MYT1L: variants seen among roughly 807,000 people sequenced by gnomAD.
MYT1L encodes myelin transcription factor 1-like protein.
A neutral mutation model predicts 126.7 loss-of-function variants in MYT1L; 12 were observed. The observed-to-expected ratio is 0.09, with a 90% CI of 0.06 to 0.15. The LOEUF (loss-of-function observed/expected upper bound fraction) is 0.15, where lower values mean the gene tolerates loss of function less well. Ranked by LOEUF, MYT1L falls within the 10% of genes least tolerant of loss-of-function variation. The pLI is 1.00. For missense variants in MYT1L, 979 were observed against 1,585.2 expected (o/e 0.62, Z 6.49); for synonymous variants, 541 against 604.2 (o/e 0.90, Z 1.53).
At chr2:1,987,206 G>A (rs559225003) in intron 5 of MYT1L, among the ~76,000 whole-genome samples, 1 of 152,216 alleles carries the variant, frequency 6.6e-6, no homozygotes, top group South Asian at 2.1e-4. Flanking sequence ...ATGGCCAGGG[G>A]CTCATACCCA....
chr2:2,031,835 C>A (rs1376044008), intron 4 of MYT1L, among the ~76,000 whole-genome samples: 3 of 136,538 alleles, frequency 2.2e-5, no homozygotes, highest in Non-Finnish European at 4.7e-5. Flanking sequence ...GGGCCTTACA[C>A]ACACCCCTCG....
rs114601241 is a variant in MYT1L, at chr2:1,818,721, C to T, written c.3081-9554G>A. ...AAGGGCAGGAGGGTGTTCTTGGAGC[C>T]ACGTGACATTTCTGCCTCTGACTGT... On this transcript the variant is annotated intron_variant, in intron 21 of 24. Transcript: ENST00000647738. Among the ~76,000 whole-genome samples the T allele has an allele frequency of 8.3e-3, 1,269 of 152,270 alleles. 16 individuals are homozygous for T. The highest frequency in any genetic ancestry group is 0.029 in the African/African-American group (1,209 of 41,544).
intron 4 of MYT1L, among the ~76,000 whole-genome samples, chr2:2,003,237 A>G (rs1014344282): frequency 6.6e-6 from 1 of 152,104 alleles, no homozygotes; most frequent in African/African-American, 2.4e-5. Flanking sequence ...CTCTCAACAC[A>G]GCCTCACACT....
chr2:2,109,187 C>T (rs1169302052), intron 3 of MYT1L, among the ~76,000 whole-genome samples: 2 of 152,190 alleles, frequency 1.3e-5, no homozygotes, highest in South Asian at 2.1e-4. Flanking sequence ...GATTTTTCCT[C>T]AATACCTGTG....
chr2:1,933,967 TGA>T (rs377097861), intron 9 of MYT1L, among the ~76,000 whole-genome samples: 1 of 150,286 alleles, frequency 6.7e-6, no homozygotes, highest in African/African-American at 2.5e-5. Context: ...GCTCTAATTT[TGA>T]TTTTTTTTTT....
chr2:2,240,791 G>A (rs1427186353), intron 2 of MYT1L, among the ~76,000 whole-genome samples: 3 of 152,284 alleles, frequency 2.0e-5, no homozygotes, highest in South Asian at 2.1e-4. Flanking sequence ...GCGTGCCAGC[G>A]GCCTTAGTTA....
chr2:2,104,496 G>A (rs1046226904), intron 3 of MYT1L, among the ~76,000 whole-genome samples: 6 of 152,260 alleles, frequency 3.9e-5, no homozygotes, highest in Non-Finnish European at 5.9e-5. Flanking sequence ...AGCACTGCAT[G>A]CTTTTCAGGC....
At chr2:2,099,533 C>T (rs2077814175) in intron 3 of MYT1L, among the ~76,000 whole-genome samples, 1 of 152,154 alleles carries the variant, frequency 6.6e-6, no homozygotes, top group Non-Finnish European at 1.5e-5. Context: ...GGGTCCTTCT[C>T]TAAGAAATGT....
Position 1,838,396 on chromosome 2 carries a change from G to A in MYT1L, c.3080+753C>T, listed in dbSNP as rs183388576. On this transcript the variant is annotated intron_variant, in intron 21 of 24. Coordinates refer to ENST00000647738, the MANE Select transcript of MYT1L (RefSeq NM_001303052.2). ...TCTGTGTTTGAGATGGATTTGAGGC[G>A]CAGGTGTGATTTTCGTAGAAAGTGG... 2.4e-3 allele frequency among the ~76,000 whole-genome samples: 358 copies of A among 152,252 alleles called. 3 individuals carry two copies. The highest frequency in any genetic ancestry group is 8.1e-3 in the African/African-American group (337 of 41,534).
chr2:1,930,074 C>T (rs62116697), intron 9 of MYT1L, among the ~76,000 whole-genome samples: 4,144 of 152,300 alleles, frequency 0.027, 80 homozygotes, highest in Non-Finnish European at 0.043. Flanking sequence ...CAAGGAGGCC[C>T]GCCCGAAGGC....
At chr2:2,007,995 T>C (rs2063487078) in intron 4 of MYT1L, among the ~76,000 whole-genome samples, 1 of 152,216 alleles carries the variant, frequency 6.6e-6, no homozygotes, top group South Asian at 2.1e-4. Flanking sequence ...CCGGAGGTCC[T>C]GCAGAGAGCA....
intron 18 of MYT1L, among the ~76,000 whole-genome samples, chr2:1,879,053 G>A (rs2047243920): frequency 6.6e-6 from 1 of 152,192 alleles, no homozygotes; most frequent in African/African-American, 2.4e-5. Flanking sequence ...CAGATCACAT[G>A]TAAGAGAGAG....
intron 23 of MYT1L, among the ~76,000 whole-genome samples, chr2:1,797,931 T>A (rs1417925314): frequency 3.2e-4 from 6 of 18,638 alleles, no homozygotes; most frequent in Non-Finnish European, 3.1e-4. Flanking sequence ...GGTCTCCCCC[T>A]TCTCCGGCAC....
intron 3 of MYT1L, among the ~76,000 whole-genome samples, chr2:2,080,263 A>T (rs528303917): frequency 3.7e-4 from 57 of 152,316 alleles, no homozygotes; most frequent in Admixed American, 1.7e-3. Context: ...GGGTTAGGTG[A>T]CGGCATCTTA....
chr2:2,003,774 T>C (rs756912571), intron 4 of MYT1L, among the ~76,000 whole-genome samples: 11 of 152,110 alleles, frequency 7.2e-5, no homozygotes, highest in Non-Finnish European at 1.3e-4. Context: ...CCACTTTCCC[T>C]GACTAAGTCT....
intron 14 of MYT1L, among the ~76,000 whole-genome samples, chr2:1,899,012 G>C (rs1016260420): frequency 1.3e-5 from 2 of 152,252 alleles, no homozygotes. Flanking sequence ...GAGCGCTGGA[G>C]AATTTGGAAG....
chr2:2,203,973 T>C (rs2093198916), intron 2 of MYT1L, among the ~76,000 whole-genome samples: 1 of 152,178 alleles, frequency 6.6e-6, no homozygotes, highest in Non-Finnish European at 1.5e-5. Context: ...TACAACTATC[T>C]GATCTTTGAC....
intron 4 of MYT1L, among the ~76,000 whole-genome samples, chr2:2,006,104 G>C (rs1489230078): frequency 6.6e-6 from 1 of 151,780 alleles, no homozygotes; most frequent in Admixed American, 6.6e-5. Flanking sequence ...TCCTGCATGA[G>C]TTCTTTCCTC....
rs1028147679 is a variant in MYT1L at position 2,115,983 on chromosome 2, G to A, written c.-304+56889C>T. Among the ~76,000 whole-genome samples, 102 of 151,038 alleles carry A rather than the reference G, an allele frequency of 6.8e-4. 1 individual carries two copies. The highest frequency in any genetic ancestry group is 1.3e-3 in the Non-Finnish European group (89 of 67,944). ...CACCACGTCCAGTCGACGAAAACAG[G>A]ACGAGCCTGCTGTGCAGTTGAGGAA... On this transcript the variant is annotated intron_variant, in intron 3 of 24. Coordinates refer to ENST00000647738, the MANE Select transcript of MYT1L (RefSeq NM_001303052.2).
Sources: allele counts gnomAD v4.1 joint callset (sites outside exome capture counted in the v4.1 genomes callset), GRCh38; gene constraint gnomAD v4.1.1; transcripts MANE v1.5; gene names NCBI Gene and HGNC (gene_info 2026-07-23, HGNC 2026-07-21).